The following MTMR7 variants were observed in gnomAD, a reference collection of about 807,000 sequenced individuals.
The protein encoded by MTMR7 is phosphatidylinositol-3-phosphate phosphatase MTMR7.
Under a neutral mutation model 81.2 loss-of-function variants are expected in MTMR7, and 76 were observed. The observed-to-expected ratio is 0.94, with a 90% confidence interval of 0.78 to 1.13. The LOEUF (loss-of-function observed/expected upper bound fraction) is 1.13, where lower values mean the gene tolerates loss of function less well. MTMR7 is among the 50% of genes most tolerant of loss of function. The pLI is 0.00. For missense variants in MTMR7, 1,044 were observed against 820.0 expected (o/e 1.27, Z -3.34); for synonymous variants, 372 against 289.8 (o/e 1.28, Z -2.88).
In MTMR7 at chr8:17,311,553, G is replaced by C. The variant is rs1203194332; in HGVS notation, c.1059C>G (p.Ser353Arg). The change falls in exon 9 of 14, where the codon AGC becomes AGG. Residue 353 changes from serine to arginine, a missense_variant. Ser to Arg is a moderately radical substitution (Grantham distance 110). Coordinates refer to ENST00000180173, the MANE Select transcript of MTMR7 (RefSeq NM_004686.5). Reference sequence around the variant, plus strand: ...TCCGGTAGTGAGGGTCCAGCAGCAGGCTTGCCACCGAGCACACCTGAGCGG... The same window carrying C: ...TCCGGTAGTGAGGGTCCAGCAGCAGCCTTGCCACCGAGCACACCTGAGCGG... ...DRTAQVCSVA[S>R]LLLDPHYRTL... The C allele has an allele frequency of 6.2e-7, 1 of 1,614,106 alleles. No individual in the cohort carries two copies. Among genetic ancestry groups the C allele is most frequent in the Non-Finnish European group, 8.5e-7 (1 of 1,180,028 alleles).
At chr8:17,325,577 C>A (rs761820660) in intron 7 of MTMR7, among the ~76,000 whole-genome samples, 2 of 152,190 alleles carry the variant, frequency 1.3e-5, no homozygotes, top group Non-Finnish European at 1.5e-5. Flanking sequence ...CGCCCACATG[C>A]CTGAGCTGAC....
intron 3 of MTMR7, among the ~76,000 whole-genome samples, chr8:17,368,981 G>T (rs555814272): frequency 1.3e-5 from 2 of 152,144 alleles, no homozygotes; most frequent in Admixed American, 6.5e-5. Context: ...TCCTCACGGC[G>T]AGAGTCCTGG....
chr8:17,337,902 C>T (rs2239878), intron 6 of MTMR7, among the ~76,000 whole-genome samples: 1,839 of 152,192 alleles, frequency 0.012, 36 homozygotes, highest in East Asian at 0.074. Flanking sequence ...TGGAAGTTCT[C>T]ATGTGGGGCT....
chr8:17,326,117 C>T (rs1325253760), intron 7 of MTMR7, among the ~76,000 whole-genome samples: 1 of 152,186 alleles, frequency 6.6e-6, no homozygotes, highest in African/African-American at 2.4e-5. Context: ...GGACTTCACA[C>T]ACTGAGGCCA....
chr8:17,349,065 G>C lies in MTMR7; in HGVS notation c.485C>G (p.Pro162Arg). ...NRDYRVCDSY[P>R]TELYVPKSAT... ...CGATTTGGGAACGTACAGTTCAGTA[G>C]GATAAGAGTCACAGACCTGTCACCA... Residue 162 changes from proline (P) to arginine (R), a missense_variant, in exon 5 of 14, where the codon CCT becomes CGT. Physicochemically the swap from Pro to Arg is moderately radical, Grantham distance 103. Transcript: ENST00000180173. 1 of 1,611,884 alleles carries C rather than the reference G, an allele frequency of 6.2e-7. No homozygotes were observed.
intron 6 of MTMR7, among the ~76,000 whole-genome samples, chr8:17,340,506 C>T (rs903684398): frequency 6.6e-6 from 1 of 152,130 alleles, no homozygotes; most frequent in African/African-American, 2.4e-5. Context: ...ACTTTGTGTC[C>T]ATCCCTCTGG....
At position 17,311,528 on chromosome 8, in the gene MTMR7, T is replaced by G; in HGVS notation, c.1084A>C (p.Thr362Pro). Residue 362 changes from threonine (T) to proline (P), a missense_variant, in exon 9 of 14, where the codon ACT becomes CCT. Physicochemically the swap from Thr to Pro is conservative, Grantham distance 38. Coordinates refer to ENST00000180173, the MANE Select transcript of MTMR7 (RefSeq NM_004686.5). ...ASLLLDPHYR[T>P]LKGFMVLIEK... ...ACACTCACCATGAAGCCCTTCAGAG[T>G]CCGGTAGTGAGGGTCCAGCAGCAGG... 1 of 1,613,322 alleles carries G rather than the reference T, an allele frequency of 6.2e-7. No individual in the cohort carries two copies. The highest frequency in any genetic ancestry group is 8.5e-7 in the Non-Finnish European group (1 of 1,179,786).
chr8:17,350,160 G>A (rs1819684510), intron 4 of MTMR7, among the ~76,000 whole-genome samples: 1 of 152,192 alleles, frequency 6.6e-6, no homozygotes, highest in Non-Finnish European at 1.5e-5. Context: ...GAAGTGTCCT[G>A]GGATATGTCA....
At chr8:17,410,193 A>C (rs1821699574) in intron 1 of MTMR7, among the ~76,000 whole-genome samples, 1 of 152,226 alleles carries the variant, frequency 6.6e-6, no homozygotes, top group African/African-American at 2.4e-5. Context: ...GGGTAGGTGT[A>C]CCAAGGAAGA....
chr8:17,367,864 T>TG (rs371549100), intron 3 of MTMR7, among the ~76,000 whole-genome samples: 5 of 149,100 alleles, frequency 3.4e-5, no homozygotes, highest in African/African-American at 1.3e-4. Context: ...TGCTAAGGTT[T>TG]GGGGTTTTTT....
At chr8:17,357,729 C>G (rs1169075396) in intron 4 of MTMR7, among the ~76,000 whole-genome samples, 2 of 152,080 alleles carry the variant, frequency 1.3e-5, no homozygotes, top group Non-Finnish European at 2.9e-5. Flanking sequence ...ATAGCAATGC[C>G]AAACTGCAGA....
chr8:17,364,502 T>C (rs1159574061), intron 3 of MTMR7, among the ~76,000 whole-genome samples: 1 of 152,240 alleles, frequency 6.6e-6, no homozygotes, highest in Non-Finnish European at 1.5e-5. Context: ...CAACACACTG[T>C]GCAACAGATT....
intron 13 of MTMR7, chr8:17,301,884 A>G (rs1817142402): frequency 9.2e-6 from 4 of 436,330 alleles, no homozygotes. Context: ...CTACTCTCAA[A>G]TAACAGTAAC....
intron 1 of MTMR7, among the ~76,000 whole-genome samples, chr8:17,382,819 G>A (rs1383338094): frequency 6.6e-6 from 1 of 152,176 alleles, no homozygotes; most frequent in African/African-American, 2.4e-5. Context: ...GCCACAAAAT[G>A]TGCAGGTGTC....
chr8:17,377,825 G>C (rs755784799), intron 1 of MTMR7, among the ~76,000 whole-genome samples: 3 of 151,956 alleles, frequency 2.0e-5, no homozygotes, highest in Non-Finnish European at 2.9e-5. Context: ...TCATATGGTT[G>C]GGATATTTTA....
At chr8:17,345,176 A>T (rs1037444611) in intron 5 of MTMR7, among the ~76,000 whole-genome samples, 1 of 152,204 alleles carries the variant, frequency 6.6e-6, no homozygotes, top group Non-Finnish European at 1.5e-5. Context: ...TGTTGCTTCG[A>T]CATCTGGTAA....
intron 6 of MTMR7, among the ~76,000 whole-genome samples, chr8:17,337,508 T>C (rs1819281422): frequency 6.6e-6 from 1 of 152,190 alleles, no homozygotes; most frequent in South Asian, 2.1e-4. Context: ...CCTTCATATG[T>C]TCTTAAAGCG....
chr8:17,355,691 G>C (rs1438400893), intron 4 of MTMR7, among the ~76,000 whole-genome samples: 1 of 151,970 alleles, frequency 6.6e-6, no homozygotes, highest in Non-Finnish European at 1.5e-5. Flanking sequence ...ATCTGCAAGA[G>C]CTATAAATTA....
chr8:17,322,004 G>C (rs1297060175), intron 7 of MTMR7, among the ~76,000 whole-genome samples: 1 of 135,450 alleles, frequency 7.4e-6, no homozygotes, highest in East Asian at 2.8e-4. Context: ...TGCTGGTGGG[G>C]TCAGTGAGGG....
Sources: allele counts gnomAD v4.1 joint callset (sites outside exome capture counted in the v4.1 genomes callset), GRCh38; gene constraint gnomAD v4.1.1; transcripts MANE v1.5; gene names NCBI Gene and HGNC (gene_info 2026-07-23, HGNC 2026-07-21).